Variants in PEBP4 observed in about 807,000 individuals in gnomAD.
PEBP4 encodes phosphatidylethanolamine binding protein 4, also known as phosphatidylethanolamine-binding protein 4.
PEBP4 carries 22 observed loss-of-function variants against 23.9 expected under a neutral mutation model. The ratio of observed to expected loss-of-function variants is 0.92; its 90% CI spans 0.66 to 1.31. The LOEUF is 1.31. PEBP4 is among the 40% of genes most tolerant of loss of function. The pLI, the probability that PEBP4 is intolerant of heterozygous loss-of-function variation, is 0.00. For missense variants in PEBP4, 324 were observed against 281.7 expected, an observed-to-expected ratio of 1.15 and a Z score of -1.07; for synonymous variants, 112 against 99.3, an observed-to-expected ratio of 1.13 and a Z score of -0.76.
intron 4 of PEBP4, among the ~76,000 whole-genome samples, chr8:22,753,470 G>A (rs1805310637): frequency 6.6e-6 from 1 of 152,178 alleles, no homozygotes; most frequent in South Asian, 2.1e-4. Context: ...GGATATAGCT[G>A]GCTCGAGTGA....
At chr8:22,785,552 G>C (rs899744154) in intron 4 of PEBP4, among the ~76,000 whole-genome samples, 2 of 152,212 alleles carry the variant, frequency 1.3e-5, no homozygotes, top group African/African-American at 2.4e-5. Context: ...CACAGATCCT[G>C]CTCCTGCTCC....
At chr8:22,926,254 G>A (rs1809330200) in intron 2 of PEBP4, among the ~76,000 whole-genome samples, 1 of 152,054 alleles carries the variant, frequency 6.6e-6, no homozygotes, top group Non-Finnish European at 1.5e-5. Context: ...GGGATTACAG[G>A]TGTGAGCCAC....
At chr8:22,837,518 A>G (rs1807228465) in intron 3 of PEBP4, among the ~76,000 whole-genome samples, 2 of 152,160 alleles carry the variant, frequency 1.3e-5, no homozygotes, top group South Asian at 4.1e-4. Flanking sequence ...CCCTAAATAT[A>G]AACTTCATAA....
chr8:22,840,168 T>C (rs780758843), intron 3 of PEBP4, among the ~76,000 whole-genome samples: 143 of 152,164 alleles, frequency 9.4e-4, no homozygotes, highest in Non-Finnish European at 1.5e-3. Flanking sequence ...GTGATCACAG[T>C]GTAAAACACG....
At chr8:22,837,459 C>T (rs1807227486) in intron 3 of PEBP4, among the ~76,000 whole-genome samples, 1 of 152,232 alleles carries the variant, frequency 6.6e-6, no homozygotes, top group Non-Finnish European at 1.5e-5. Context: ...TTTGCAAGCT[C>T]ATTGCTGCCC....
At chr8:22,717,353 C>T (rs2128747704) in intron 6 of PEBP4, among the ~76,000 whole-genome samples, 1 of 152,350 alleles carries the variant, frequency 6.6e-6, no homozygotes, top group South Asian at 2.1e-4. Context: ...ACTCTTAAGA[C>T]TTCCCAACAG....
chr8:22,929,979 A>G (rs1332906519), upstream of PEBP4, among the ~76,000 whole-genome samples: 1 of 152,180 alleles, frequency 6.6e-6, no homozygotes, highest in African/African-American at 2.4e-5. Context: ...CTGGGATTAC[A>G]GGCGTGAGCC....
chr8:22,750,640 C>T (rs375475386), intron 4 of PEBP4, among the ~76,000 whole-genome samples: 111 of 151,916 alleles, frequency 7.3e-4, no homozygotes, highest in African/African-American at 2.5e-3. Context: ...TGTTTTTTTT[C>T]CTTGACTATT....
chr8:22,756,832 C>T (rs1228539753), intron 4 of PEBP4: 1 of 152,150 alleles, frequency 6.6e-6, no homozygotes, highest in African/African-American at 2.4e-5. Context: ...GGGAAAGGGA[C>T]CCAGGGAGTA....
At chr8:22,914,925 C>T (rs145039355) in intron 3 of PEBP4, among the ~76,000 whole-genome samples, 1 of 152,306 alleles carries the variant, frequency 6.6e-6, no homozygotes, top group African/African-American at 2.4e-5. Flanking sequence ...CCCAATGACA[C>T]ACATTGTCCT....
intron 4 of PEBP4, among the ~76,000 whole-genome samples, chr8:22,742,471 C>A (rs902369110): frequency 6.6e-6 from 1 of 152,168 alleles, no homozygotes; most frequent in African/African-American, 2.4e-5. Flanking sequence ...TTGGGACTGG[C>A]CCTGGAAGTG....
chr8:22,933,988 G>T (rs1202012883), intron 1 of PEBP4, among the ~76,000 whole-genome samples: 1 of 152,192 alleles, frequency 6.6e-6, no homozygotes, highest in East Asian at 1.9e-4. Flanking sequence ...GGAGTGTGCA[G>T]AAATCACACA....
intron 3 of PEBP4, among the ~76,000 whole-genome samples, chr8:22,824,385 C>A (rs76905997): frequency 6.6e-6 from 1 of 152,112 alleles, no homozygotes; most frequent in Non-Finnish European, 1.5e-5. Flanking sequence ...TGATGTTCCC[C>A]GTGGCCCCTC....
At chr8:22,832,032 A>G (rs1377335834) in intron 3 of PEBP4, among the ~76,000 whole-genome samples, 1 of 151,970 alleles carries the variant, frequency 6.6e-6, no homozygotes, top group Non-Finnish European at 1.5e-5. Flanking sequence ...CCTGCATGTG[A>G]TGTGGTGGGG....
chr8:22,913,542 C>G (rs924917410), intron 3 of PEBP4, among the ~76,000 whole-genome samples: 2 of 152,314 alleles, frequency 1.3e-5, no homozygotes, highest in Admixed American at 1.3e-4. Context: ...CCCCCTCCAG[C>G]CCCTGCGGCC....
intron 3 of PEBP4, among the ~76,000 whole-genome samples, chr8:22,873,318 A>G (rs953138616): frequency 1.2e-4 from 18 of 152,198 alleles, no homozygotes; most frequent in Non-Finnish European, 2.5e-4. Context: ...CGTTAAGTTC[A>G]CCAAGATAGC....
At chr8:22,815,354 A>C (rs1173735215) in intron 4 of PEBP4, among the ~76,000 whole-genome samples, 1 of 152,316 alleles carries the variant, frequency 6.6e-6, no homozygotes, top group African/African-American at 2.4e-5. Flanking sequence ...GGTAGTGCCT[A>C]GGCAGCTGCA....
intron 4 of PEBP4, among the ~76,000 whole-genome samples, chr8:22,792,027 C>CTTTTT (rs34005416): frequency 1.4e-5 from 2 of 146,200 alleles, no homozygotes; most frequent in Admixed American, 6.9e-5. Context: ...TGGCTAAGAA[C>CTTTTT]TTTTTTTTTT....
chr8:22,857,721 C>A (rs1430014439), intron 3 of PEBP4, among the ~76,000 whole-genome samples: 1 of 152,136 alleles, frequency 6.6e-6, no homozygotes, highest in Non-Finnish European at 1.5e-5. Flanking sequence ...AATGGAAAAG[C>A]CAGAAGCCAG....
Sources: gnomAD v4.1 joint callset for allele counts (sites outside exome capture counted in the v4.1 genomes callset) on GRCh38, gnomAD v4.1.1 for gene constraint, MANE v1.5 for transcripts, NCBI Gene and HGNC (gene_info 2026-07-23, HGNC 2026-07-21) for gene names.